The following PDHX variants were observed in gnomAD, a reference collection of about 807,000 sequenced individuals.
PDHX encodes pyruvate dehydrogenase protein X component, mitochondrial.
Under a neutral mutation model 55.3 loss-of-function variants are expected in PDHX, and 33 were observed. That is an observed-to-expected ratio of 0.60 (90% CI 0.45 to 0.80). The LOEUF is 0.80. PDHX is among the 30% of genes least tolerant of loss of function. The probability of loss-of-function intolerance (pLI) is 0.00; values close to 1 mark genes in which losing one functional copy is unlikely to be tolerated. For synonymous variants in PDHX, 226 were observed against 219.4 expected (o/e 1.03, Z -0.27); for missense variants, 622 against 619.9 (o/e 1.00, Z -0.04).
chr11:34,960,002 T>G (rs1291714841), intron 4 of PDHX, among the ~76,000 whole-genome samples: 1 of 152,228 alleles, frequency 6.6e-6, no homozygotes, highest in Non-Finnish European at 1.5e-5. Flanking sequence ...GTGATTGTAC[T>G]AAATGCCACT....
chr11:34,935,492 CT>C (rs879530402), intron 2 of PDHX, among the ~76,000 whole-genome samples: 27 of 152,120 alleles, frequency 1.8e-4, no homozygotes, highest in Non-Finnish European at 3.5e-4. Flanking sequence ...CTTTCTTTTC[CT>C]TTTCTTTTCC....
chr11:34,984,513 T>TA, intron 8 of PDHX, 57 bp from the exon 9 acceptor site: 1 of 1,444,490 alleles, frequency 6.9e-7, no homozygotes, highest in African/African-American at 1.4e-5. Context: ...TATTTTTCTG[T>TA]AACCGCCTTG....
chr11:34,963,398 C>A (rs1390823347), intron 5 of PDHX, among the ~76,000 whole-genome samples: 2 of 152,122 alleles, frequency 1.3e-5, no homozygotes, highest in African/African-American at 4.8e-5. Flanking sequence ...ATCACCTCAA[C>A]CTCCCAAATA....
chr11:34,944,109 T>C (rs1854565291), intron 2 of PDHX, among the ~76,000 whole-genome samples: 2 of 149,026 alleles, frequency 1.3e-5, no homozygotes, highest in Admixed American at 6.7e-5. Flanking sequence ...ATATATAAAA[T>C]ATATTTATAT....
In PDHX at chr11:34,993,962, A is replaced by G. The variant is rs151065402; in HGVS notation, c.1248-952A>G. On this transcript the variant is annotated intron_variant, in intron 10 of 10. Transcript: ENST00000227868. ...GTAGAGGTCTTGTATATGTTTCATT[A>G]GATTTATTCTTTGGTATTTGTTTTT... 5.9e-5 allele frequency among the ~76,000 whole-genome samples: 9 copies of G among 152,192 alleles called. No homozygotes were observed. In the East Asian group the frequency reaches 9.7e-4, roughly 16 times the overall value.
At chr11:34,989,683 T>A (rs1488192489) in intron 9 of PDHX, among the ~76,000 whole-genome samples, 1 of 152,212 alleles carries the variant, frequency 6.6e-6, no homozygotes, top group Non-Finnish European at 1.5e-5. Context: ...CTCAGTTCAG[T>A]TGCTAATTTC....
chr11:34,969,205 A>G (rs565349978), intron 6 of PDHX, among the ~76,000 whole-genome samples: 7 of 152,298 alleles, frequency 4.6e-5, no homozygotes, highest in East Asian at 1.9e-4. Context: ...TGTTAGGTGT[A>G]TTAAATGCAC....
chr11:34,945,808 T>C (rs1421866030), intron 2 of PDHX, among the ~76,000 whole-genome samples: 4 of 152,360 alleles, frequency 2.6e-5, no homozygotes, highest in South Asian at 2.1e-4. Context: ...TGTATACCCA[T>C]GTTACCACCA....
chr11:34,995,614 C>G lies in PDHX; in HGVS notation c.*442C>G, dbSNP rs1380439604. 1 of 241,502 alleles carries G rather than the reference C, an allele frequency of 4.1e-6. No homozygotes were observed. Among genetic ancestry groups the G allele is most frequent in the Non-Finnish European group, 8.2e-6 (1 of 122,468 alleles). 15.0% of individuals were successfully genotyped at this position (241,502 alleles called of 1,614,324 possible). On this transcript the variant is annotated 3_prime_UTR_variant, in exon 11 of 11. Coordinates refer to ENST00000227868, the MANE Select transcript of PDHX (RefSeq NM_003477.3). ...GGCCATTAACTTAGCAGTGGGACCTCACTTTTACAAGCACTGCTCTAGATA... is the reference window on the plus strand; with the variant it reads ...GGCCATTAACTTAGCAGTGGGACCTGACTTTTACAAGCACTGCTCTAGATA...
At chr11:34,961,795 T>C (rs1855026168) in intron 5 of PDHX, among the ~76,000 whole-genome samples, 1 of 150,858 alleles carries the variant, frequency 6.6e-6, no homozygotes, top group African/African-American at 2.5e-5. Context: ...ACTGCATGAG[T>C]TGGAAATCAG....
rs1338669781 is a variant in PDHX at position 34,928,293 on chromosome 11, T to G, written c.161-3111T>G. Among the ~76,000 whole-genome samples the G allele has an allele frequency of 2.6e-5, 4 of 152,210 alleles. No individual in the cohort carries two copies. In the East Asian group the frequency reaches 7.7e-4, roughly 29 times the overall value. ...GAAATGGAACTCTTTGATATATAAA[T>G]GTAATATGTATATATTTATGAAATA... On this transcript the variant is annotated intron_variant, in intron 1 of 10. Coordinates refer to ENST00000227868, the MANE Select transcript of PDHX (RefSeq NM_003477.3).
In PDHX at chr11:34,972,596, A is replaced by G. The variant is rs530257314; in HGVS notation, c.964+2310A>G. On this transcript the variant is annotated intron_variant, in intron 7 of 10. Transcript: ENST00000227868. The stretch of plus-strand genomic sequence containing the variant: ...GTATTTTTACTAGAGACGGTGTTTT[A>G]GCATGTTGGCCACGCTGGTCTCAAA... 4.9e-4 allele frequency among the ~76,000 whole-genome samples: 75 copies of G among 152,064 alleles called. 1 individual carries two copies. In the South Asian group the frequency reaches 0.015, roughly 30 times the overall value.
At chr11:34,960,321 A>AT (rs566635914) in intron 4 of PDHX, 99 bp from the exon 5 acceptor site, 216 of 772,398 alleles carry the variant, frequency 2.8e-4, no homozygotes, top group Middle Eastern at 4.8e-4. Flanking sequence ...TTATTATAAG[A>AT]TTTTTTTTTA....
At chr11:34,947,456 A>G in intron 2 of PDHX, 50 bp from the exon 3 acceptor site, 1 of 1,141,068 alleles carries the variant, frequency 8.8e-7, no homozygotes, top group Non-Finnish European at 1.3e-6. Context: ...ATATATACAT[A>G]GTAATATTTA....
intron 1 of PDHX, among the ~76,000 whole-genome samples, chr11:34,929,963 T>C (rs1478298747): frequency 6.6e-6 from 1 of 152,234 alleles, no homozygotes; most frequent in Non-Finnish European, 1.5e-5. Flanking sequence ...CTGGGCTTCT[T>C]AGTACAACCC....
At position 34,916,684 on chromosome 11, in the gene PDHX, A is replaced by G. The variant is rs139613834; in HGVS notation, c.29A>G (p.Asp10Gly). MAASWRLGC[D>G]PRLLRYLVGF... ...GCGGCCTCCTGGAGGCTGGGCTGTG[A>G]TCCGCGGCTGCTGCGTTATCTTGTG... The change falls in exon 1 of 11, where the codon GAT becomes GGT. Residue 10 changes from aspartate to glycine, a missense_variant. Asp to Gly is a moderately conservative substitution (Grantham distance 94). Transcript: ENST00000227868. 3 of 1,611,794 alleles carry G rather than the reference A, an allele frequency of 1.9e-6. No individual in the cohort carries two copies. Among genetic ancestry groups the G allele is most frequent in the Non-Finnish European group, 2.5e-6 (3 of 1,179,972 alleles).
At chr11:34,934,571 A>ATTTTTTTTTTT (rs35227178) in intron 2 of PDHX, among the ~76,000 whole-genome samples, 3 of 92,414 alleles carry the variant, frequency 3.2e-5, no homozygotes, top group South Asian at 3.9e-4. Flanking sequence ...GATATTATGG[A>ATTTTTTTTTTT]TTTTTTTTTT....
intron 5 of PDHX, among the ~76,000 whole-genome samples, chr11:34,965,119 A>C (rs1029094711): frequency 1.3e-5 from 2 of 152,198 alleles, no homozygotes; most frequent in Non-Finnish European, 2.9e-5. Context: ...CTGGCATAGC[A>C]TGGCCAGGTT....
At chr11:34,960,628 C>T (rs530089487) in intron 5 of PDHX, 110 bp downstream of exon 5, 1 of 660,546 alleles carries the variant, frequency 1.5e-6, no homozygotes, top group African/African-American at 1.8e-5. Context: ...AGGAGGTACA[C>T]TGTTCTTCTT....
Sources: allele counts gnomAD v4.1 joint callset (sites outside exome capture counted in the v4.1 genomes callset), GRCh38; gene constraint gnomAD v4.1.1; transcripts MANE v1.5; gene names NCBI Gene and HGNC (gene_info 2026-07-23, HGNC 2026-07-21).